The following PIP5K1A variants were observed in gnomAD, a reference collection of about 807,000 sequenced individuals.
The protein encoded by PIP5K1A is phosphatidylinositol-4-phosphate 5-kinase type 1 alpha.
In PIP5K1A, 46 loss-of-function variants were observed where a neutral mutation model predicts 72.9. The observed-to-expected ratio is 0.63, with a 90% CI of 0.50 to 0.81. The LOEUF (loss-of-function observed/expected upper bound fraction) is 0.81, where lower values mean the gene tolerates loss of function less well. Among genes scored for constraint, PIP5K1A ranks in the 30% least tolerant of loss-of-function variants. The pLI, the probability that PIP5K1A is intolerant of heterozygous loss-of-function variation, is 0.00. For missense variants in PIP5K1A, 458 were observed against 706.1 expected, an observed-to-expected ratio of 0.65 and a Z score of 3.98; for synonymous variants, 228 against 255.1, an observed-to-expected ratio of 0.89 and a Z score of 1.01.
intron 1 of PIP5K1A, among the ~76,000 whole-genome samples, chr1:151,223,723 C>G (rs1342667553): frequency 1.3e-5 from 2 of 151,136 alleles, no homozygotes; most frequent in East Asian, 3.9e-4. Flanking sequence ...TGCGGTGGCT[C>G]TTGCTTGTAA....
upstream of PIP5K1A, among the ~76,000 whole-genome samples, chr1:151,196,187 G>T (rs377421924): frequency 5.9e-5 from 9 of 152,066 alleles, no homozygotes; most frequent in African/African-American, 2.2e-4. Flanking sequence ...GTGAGCCACC[G>T]CGTCCGGCTA....
At chr1:151,209,154 C>T (rs1350220250) in intron 1 of PIP5K1A, among the ~76,000 whole-genome samples, 2 of 152,008 alleles carry the variant, frequency 1.3e-5, no homozygotes, top group Non-Finnish European at 2.9e-5. Context: ...CACCTGCAGG[C>T]GTATAGAGTG....
intron 14 of PIP5K1A, among the ~76,000 whole-genome samples, chr1:151,243,777 T>C (rs1692095752): frequency 6.6e-6 from 1 of 152,164 alleles, no homozygotes; most frequent in Non-Finnish European, 1.5e-5. Flanking sequence ...GATGGCAGTG[T>C]TTCTACTGAT....
intron 1 of PIP5K1A, chr1:151,224,025 G>A: frequency 1.8e-6 from 1 of 567,338 alleles, no homozygotes; most frequent in East Asian, 2.9e-5. Flanking sequence ...AATAAGAAAG[G>A]GGTCTAGAAT....
intron 8 of PIP5K1A, among the ~76,000 whole-genome samples, chr1:151,234,980 A>G (rs587717643): frequency 6.6e-6 from 1 of 152,326 alleles, no homozygotes; most frequent in South Asian, 2.1e-4. Context: ...TCTGACTCTC[A>G]TCTCCCTAGC....
rs762646980 is a variant in PIP5K1A, at chr1:151,232,344, T to C, written c.465T>C (p.Gly155=). ...VAFRYFRELF[G]IRPDDYLYSL... ...TCCGCTACTTCCGGGAGCTATTTGG[T>C]ATCCGGCCCGATGATTACTTGGTAA... The change falls in exon 6 of 16, where the codon GGT becomes GGC. Residue 155 remains glycine (G), a synonymous_variant. Coordinates refer to ENST00000368888, the MANE Select transcript of PIP5K1A (RefSeq NM_001135638.2). The C allele has an allele frequency of 1.2e-6, 2 of 1,613,112 alleles. No homozygotes were observed. The highest frequency in any genetic ancestry group is 1.7e-4 in the Middle Eastern group (1 of 6,054).
chr1:151,199,941 C>A (rs1325838162), intron 1 of PIP5K1A, among the ~76,000 whole-genome samples: 1 of 152,058 alleles, frequency 6.6e-6, no homozygotes, highest in African/African-American at 2.4e-5. Context: ...GCACCCCCAC[C>A]CTTAGGGCCG....
At chr1:151,213,288 T>C (rs1250802520) in intron 1 of PIP5K1A, among the ~76,000 whole-genome samples, 8 of 152,188 alleles carry the variant, frequency 5.3e-5, no homozygotes, top group Admixed American at 5.2e-4. Flanking sequence ...GGCTTGACAT[T>C]GTATTTAGCA....
intron 1 of PIP5K1A, among the ~76,000 whole-genome samples, chr1:151,220,879 C>G (rs944910956): frequency 5.3e-5 from 8 of 152,214 alleles, no homozygotes; most frequent in African/African-American, 1.7e-4. Context: ...CATGGGATTT[C>G]ACTCCTAAAT....
Position 151,219,850 on chromosome 1 carries a change from C to CGTTTTTTT in PIP5K1A, c.86-4395_86-4394insGTTTTTTT, listed in dbSNP as rs1257084814. On this transcript the variant is annotated intron_variant, in intron 1 of 15. Transcript: ENST00000368888. ...TAAACCCTGTCCTTACATATTCTTT[C>CGTTTTTTT]CTTTTTTTTTTTTTTTTTTTTGCCG... Among the ~76,000 whole-genome samples, 54 of 97,850 alleles carry CGTTTTTTT rather than the reference C, an allele frequency of 5.5e-4. 1 individual carries two copies. The highest frequency in any genetic ancestry group is 2.0e-3 in the African/African-American group (54 of 26,576). 64.2% of individuals were successfully genotyped at this position (97,850 alleles called of 152,430 possible).
chr1:151,200,050 AAG>A lies in PIP5K1A; in HGVS notation c.85+974_85+975del, dbSNP rs753567780. Among the ~76,000 whole-genome samples the A allele has an allele frequency of 3.0e-4, 46 of 152,200 alleles. 1 individual carries two copies. In the East Asian group the frequency reaches 3.9e-3, roughly 13 times the overall value. On this transcript the variant is annotated intron_variant, in intron 1 of 15. Coordinates refer to ENST00000368888, the MANE Select transcript of PIP5K1A (RefSeq NM_001135638.2). ...ACTTTGGGAAGGAATGGAAATTTTG[AAG>A]AGAGTCTAAGGAATGTAGGAAATTA... is the stretch of plus-strand genomic sequence containing the variant.
chr1:151,240,341 C>T (rs587656441), intron 12 of PIP5K1A: 88 of 355,300 alleles, frequency 2.5e-4, no homozygotes, highest in African/African-American at 1.7e-3. Flanking sequence ...AGGATCCATG[C>T]CACAGAGATA....
chr1:151,220,686 C>T (rs866115073), intron 1 of PIP5K1A, among the ~76,000 whole-genome samples: 6 of 152,136 alleles, frequency 3.9e-5, no homozygotes, highest in Admixed American at 2.0e-4. Flanking sequence ...AGGCTGGTCT[C>T]GAACTCCTGA....
intron 3 of PIP5K1A, among the ~76,000 whole-genome samples, chr1:151,226,482 C>T (rs1479488643): frequency 1.3e-4 from 20 of 151,860 alleles, no homozygotes; most frequent in Admixed American, 6.6e-4. Context: ...GAGGCCAAGG[C>T]GAGTGGATCA....
intron 9 of PIP5K1A, among the ~76,000 whole-genome samples, chr1:151,237,337 G>C (rs1691036416): frequency 6.6e-6 from 1 of 152,188 alleles, no homozygotes; most frequent in Non-Finnish European, 1.5e-5. Flanking sequence ...AAAAATTATA[G>C]TCTTAAATGC....
chr1:151,224,049 G>GC (rs1688766393), intron 1 of PIP5K1A, 196 bp from the exon 2 acceptor site: 1 of 596,450 alleles, frequency 1.7e-6, no homozygotes, highest in Admixed American at 3.1e-5. Flanking sequence ...AATGGAATAT[G>GC]CACGAGGCCT....
intron 8 of PIP5K1A, among the ~76,000 whole-genome samples, chr1:151,235,101 AG>A (rs1690662409): frequency 6.6e-6 from 1 of 151,848 alleles, no homozygotes; most frequent in Non-Finnish European, 1.5e-5. Context: ...TTATTTTTTG[AG>A]ATGGAGTTTC....
chr1:151,232,794 A>G lies in PIP5K1A; in HGVS notation c.639+91A>G, dbSNP rs1558283302. The G allele has an allele frequency of 2.2e-5, 26 of 1,161,060 alleles. No homozygotes were observed. The East Asian group carries it at 5.9e-4, about 26-fold the overall frequency. 71.9% of individuals were successfully genotyped at this position (1,161,060 alleles called of 1,614,324 possible). On this transcript the variant is annotated intron_variant, in intron 7 of 15. Transcript: ENST00000368888. ...TTCAGCAGGGTAAAACAGTGTCAGC[A>G]CTTCTATCTTAAGAGTGTAGTTCAG...
chr1:151,220,413 C>T (rs1192332193), intron 1 of PIP5K1A, among the ~76,000 whole-genome samples: 1 of 151,798 alleles, frequency 6.6e-6, no homozygotes, highest in East Asian at 1.9e-4. Context: ...TATAAAATTC[C>T]TCAGATGCAT....
Sources: gnomAD v4.1 joint callset for allele counts (sites outside exome capture counted in the v4.1 genomes callset) on GRCh38, gnomAD v4.1.1 for gene constraint, MANE v1.5 for transcripts, NCBI Gene and HGNC (gene_info 2026-07-23, HGNC 2026-07-21) for gene names.